Variants in DRICH1 observed in about 807,000 individuals in gnomAD.
The protein encoded by DRICH1 is aspartate-rich protein 1.
DRICH1 carries 38 observed loss-of-function variants against 39.5 expected under a neutral mutation model. The ratio of observed to expected loss-of-function variants is 0.96; its 90% confidence interval spans 0.74 to 1.26. DRICH1 has a LOEUF of 1.26. DRICH1 is among the 50% of genes most tolerant of loss of function. DRICH1 has a pLI of 0.00. For synonymous variants in DRICH1, 84 were observed against 99.5 expected, an observed-to-expected ratio of 0.84 and a Z score of 0.93; for missense variants, 279 against 270.4, an observed-to-expected ratio of 1.03 and a Z score of -0.22.
At chr22:23,602,455 C>A in the DRICH1 span, among the ~76,000 whole-genome samples, 1 of 152,180 alleles carries the variant, frequency 6.6e-6, no homozygotes. Context: ...GAGGCTGAGG[C>A]AGGTGGGTCA....
chr22:23,582,574 T>TTATTATTATTATTATTATTATTAG, the DRICH1 span, among the ~76,000 whole-genome samples: 1 of 149,782 alleles, frequency 6.7e-6, no homozygotes, highest in South Asian at 2.1e-4. Context: ...ATTATTATTA[T>TTATTATTATTATTATTATTATTAG]TATTATTTTG....
intron 1 of DRICH1, among the ~76,000 whole-genome samples, chr22:23,629,454 G>C (rs1360027574): frequency 1.3e-5 from 2 of 152,194 alleles, no homozygotes; most frequent in Admixed American, 6.5e-5. Flanking sequence ...ATGGGGATCA[G>C]TACATGGGGA....
the DRICH1 span, among the ~76,000 whole-genome samples, chr22:23,586,108 C>T: frequency 2.0e-5 from 3 of 152,100 alleles, no homozygotes; most frequent in Non-Finnish European, 4.4e-5. Context: ...GAATCATCTC[C>T]CTCAGGGACT....
chr22:23,619,612 T>G (rs1927593636), intron 5 of DRICH1, among the ~76,000 whole-genome samples: 1 of 152,230 alleles, frequency 6.6e-6, no homozygotes, highest in Non-Finnish European at 1.5e-5. Context: ...CAGAGTCAGC[T>G]GATCTTCAAC....
At chr22:23,616,201 C>T (rs1224070482) in intron 8 of DRICH1, among the ~76,000 whole-genome samples, 2 of 152,136 alleles carry the variant, frequency 1.3e-5, no homozygotes, top group African/African-American at 4.8e-5. Context: ...ATTTTGTCTC[C>T]AGAATTAAGT....
chr22:23,615,478 C>T (rs903987899), intron 8 of DRICH1, among the ~76,000 whole-genome samples: 1 of 152,110 alleles, frequency 6.6e-6, no homozygotes, highest in Non-Finnish European at 1.5e-5. Flanking sequence ...ATCTAATTAT[C>T]AGCTGTCAAC....
chr22:23,608,686 G>A lies in DRICH1; in HGVS notation c.*78C>T, dbSNP rs1057475213. 3.8e-5 allele frequency: 55 copies of A among 1,439,396 alleles called. No individual in the cohort carries two copies. Among genetic ancestry groups the A allele is most frequent in the Non-Finnish European group, 4.7e-5 (49 of 1,046,274 alleles). 89.2% of individuals were successfully genotyped at this position (1,439,396 alleles called of 1,614,324 possible). A position where few individuals can be genotyped will look rare whatever the true frequency, so the allele number is the denominator to read the frequency against. ...AATGTAGAGAGGATTGAGACCTCCA[G>A]GGGCAAAGCTGGGGACCCTGCAGCA... On this transcript the variant is annotated 3_prime_UTR_variant, in exon 12 of 12. Transcript: ENST00000317749.
downstream of DRICH1, among the ~76,000 whole-genome samples, chr22:23,604,390 G>A (rs1387413922): frequency 1.3e-5 from 2 of 152,130 alleles, no homozygotes; most frequent in African/African-American, 4.8e-5. Flanking sequence ...CCCTGTCCCA[G>A]TCTCTGTCCT....
chr22:23,610,775 TTTTAA>T (rs1174977298), intron 11 of DRICH1, among the ~76,000 whole-genome samples: 1 of 152,094 alleles, frequency 6.6e-6, no homozygotes, highest in Non-Finnish European at 1.5e-5. Flanking sequence ...ACATCAACTA[TTTTAA>T]TTTTTTTCTT....
chr22:23,625,951 T>G (rs1301405637), intron 2 of DRICH1, 30 bp downstream of exon 2: 1 of 1,575,332 alleles, frequency 6.3e-7, no homozygotes, highest in East Asian at 2.3e-5. Flanking sequence ...AAGCAACATT[T>G]CCTTAGAAGG....
At chr22:23,620,502 C>G (rs763326337) in intron 5 of DRICH1, 92 bp downstream of exon 5, 5 of 1,405,270 alleles carry the variant, frequency 3.6e-6, no homozygotes, top group Non-Finnish European at 5.1e-6. Flanking sequence ...ACCACACCCC[C>G]AATATTTTTA....
intron 11 of DRICH1, among the ~76,000 whole-genome samples, chr22:23,610,165 T>G (rs1926960010): frequency 1.3e-5 from 2 of 152,080 alleles, no homozygotes; most frequent in Non-Finnish European, 2.9e-5. Context: ...CAACCGCCAG[T>G]CCTCAGGCCT....
At chr22:23,605,371 G>C (rs1040337084), downstream of DRICH1, among the ~76,000 whole-genome samples, 2 of 152,074 alleles carry the variant, frequency 1.3e-5, no homozygotes, top group African/African-American at 4.8e-5. Flanking sequence ...CTAGGGGTCA[G>C]TCCTAGGAGG....
chr22:23,595,393 G>T, the DRICH1 span, among the ~76,000 whole-genome samples: 1 of 145,286 alleles, frequency 6.9e-6, no homozygotes, highest in African/African-American at 2.5e-5. Flanking sequence ...AATGTTTGGA[G>T]AATTTTTATT....
At chr22:23,631,335 G>C (rs532439877) in intron 1 of DRICH1, among the ~76,000 whole-genome samples, 58 of 152,064 alleles carry the variant, frequency 3.8e-4, no homozygotes, top group African/African-American at 1.3e-3. Context: ...AGAATCGCTT[G>C]AACCCAGGAG....
the DRICH1 span, among the ~76,000 whole-genome samples, chr22:23,593,632 C>T: frequency 2.6e-5 from 4 of 152,194 alleles, no homozygotes; most frequent in Admixed American, 2.0e-4. Flanking sequence ...AACCCCATCT[C>T]TACTAAGAAT....
chr22:23,631,826 C>G lies in DRICH1; in HGVS notation c.198G>C (p.Lys66Asn). 6 of 1,612,222 alleles carry G rather than the reference C, an allele frequency of 3.7e-6. No homozygotes were observed. The highest frequency in any genetic ancestry group is 5.1e-6 in the Non-Finnish European group (6 of 1,180,016). ...CCGTGGCTTTTTTACCTGTGGGCATCTTTTGGTTGCTGATGTGCTGCAGGT... is the reference window on the plus strand; with the variant it reads ...CCGTGGCTTTTTTACCTGTGGGCATGTTTTGGTTGCTGATGTGCTGCAGGT... ...GQDLQHISNQ[K>N]MPTGPPEDRL... Residue 66 changes from lysine to asparagine, a missense_variant, in exon 1 of 12, where the codon AAG becomes AAC. Lys to Asn is a moderately conservative substitution (Grantham distance 94). Transcript: ENST00000317749.
the DRICH1 span, among the ~76,000 whole-genome samples, chr22:23,597,094 CTTCT>C: frequency 6.9e-6 from 1 of 144,328 alleles, no homozygotes; most frequent in Non-Finnish European, 1.5e-5. Flanking sequence ...ATATAATGTC[CTTCT>C]TTGCCTCTTG....
At chr22:23,618,780 A>G (rs1281069582) in intron 6 of DRICH1, among the ~76,000 whole-genome samples, 1 of 152,244 alleles carries the variant, frequency 6.6e-6, no homozygotes, top group Non-Finnish European at 1.5e-5. Context: ...ATTCATGAAA[A>G]AATGTCCATG....
Sources: allele counts gnomAD v4.1 joint callset (sites outside exome capture counted in the v4.1 genomes callset), GRCh38; gene constraint gnomAD v4.1.1; transcripts MANE v1.5; gene names NCBI Gene and HGNC (gene_info 2026-07-23, HGNC 2026-07-21).